Variants in ZNF77 observed in about 807,000 individuals in gnomAD.
The protein encoded by ZNF77 is ZNFpT1.
A neutral mutation model predicts 13.5 loss-of-function variants in ZNF77; 15 were observed. The ratio of observed to expected loss-of-function variants is 1.11; its 90% CI spans 0.74 to 1.71. The LOEUF (loss-of-function observed/expected upper bound fraction) is 1.71, where lower values mean the gene tolerates loss of function less well. Ranked by LOEUF, ZNF77 falls within the 40% of genes most tolerant of loss-of-function variation. ZNF77 has a pLI of 0.00. For missense variants in ZNF77, 717 were observed against 676.4 expected (o/e 1.06, Z -0.67); for synonymous variants, 282 against 250.0 (o/e 1.13, Z -1.21).
At chr19:2,938,749 G>T (rs2088419838) in intron 2 of ZNF77, among the ~76,000 whole-genome samples, 1 of 152,194 alleles carries the variant, frequency 6.6e-6, no homozygotes, top group South Asian at 2.1e-4. Context: ...GAGGTCAGGA[G>T]ATCGAGACCA....
intron 1 of ZNF77, among the ~76,000 whole-genome samples, chr19:2,940,278 C>T (rs912135081): frequency 6.6e-6 from 1 of 151,772 alleles, no homozygotes; most frequent in African/African-American, 2.4e-5. Flanking sequence ...AGTTCCAACA[C>T]TTTGGGAGGC....
chr19:2,934,891 A>G, intron 3 of ZNF77, 76 bp from the exon 4 acceptor site: 15 of 1,501,068 alleles, frequency 1.0e-5, no homozygotes, highest in Non-Finnish European at 1.3e-5. Context: ...TTTAGTGATT[A>G]TTTTGATTAC....
At chr19:2,934,934 T>C (rs941799199) in intron 3 of ZNF77, 119 bp from the exon 4 acceptor site, 16 of 1,305,046 alleles carry the variant, frequency 1.2e-5, no homozygotes, top group Non-Finnish European at 1.7e-5. Flanking sequence ...TGGTTCTATT[T>C]TCAGCACTGT....
In ZNF77 at chr19:2,939,959, C is replaced by A. The variant is rs73527693; in HGVS notation, c.4-552G>T. ...TGTGCCACTGCACTCCTGTCTGGGC[C>A]ACAGAGTGAGACCCAATCTCAAAAA... On this transcript the variant is annotated intron_variant, in intron 1 of 3. Transcript: ENST00000314531. Among the ~76,000 whole-genome samples the A allele has an allele frequency of 4.6e-3, 707 of 152,142 alleles. 4 individuals carry two copies. The highest frequency in any genetic ancestry group is 0.016 in the African/African-American group (672 of 41,522).
chr19:2,937,291 C>G (rs2088406353), intron 2 of ZNF77, among the ~76,000 whole-genome samples: 2 of 152,122 alleles, frequency 1.3e-5, no homozygotes, highest in Non-Finnish European at 2.9e-5. Flanking sequence ...CGAAACCAGC[C>G]TGACCAACAT....
chr19:2,936,768 T>A, intron 2 of ZNF77, 64 bp from the exon 3 acceptor site: 1 of 1,464,016 alleles, frequency 6.8e-7, no homozygotes, highest in Non-Finnish European at 9.2e-7. Context: ...ATAGACCACA[T>A]ACGGATTTCT....
chr19:2,934,994 A>G (rs1211554096), intron 3 of ZNF77, among the ~76,000 whole-genome samples, 179 bp from the exon 4 acceptor site: 3 of 152,170 alleles, frequency 2.0e-5, no homozygotes, highest in African/African-American at 7.2e-5. Context: ...TGAAGGCTCA[A>G]CTGCAGCCAT....
chr19:2,944,383 C>G (rs2088478087), intron 1 of ZNF77, among the ~76,000 whole-genome samples: 1 of 148,552 alleles, frequency 6.7e-6, no homozygotes, highest in Admixed American at 6.8e-5. Flanking sequence ...GCCTCTACGG[C>G]CCCCTCAAAC....
intron 1 of ZNF77, among the ~76,000 whole-genome samples, chr19:2,940,501 C>T (rs1382348770): frequency 3.9e-5 from 6 of 151,900 alleles, no homozygotes; most frequent in African/African-American, 1.4e-4. Context: ...GGTGAAACCC[C>T]ATCTCTACTA....
At chr19:2,942,080 T>C (rs1414501251) in intron 1 of ZNF77, among the ~76,000 whole-genome samples, 1 of 151,830 alleles carries the variant, frequency 6.6e-6, no homozygotes, top group Non-Finnish European at 1.5e-5. Context: ...TTATTCTTTT[T>C]TTTTTTTTTG....
intron 1 of ZNF77, among the ~76,000 whole-genome samples, chr19:2,942,075 CTTTTTTT>C (rs36016142): frequency 6.9e-6 from 1 of 144,062 alleles, no homozygotes; most frequent in Admixed American, 7.0e-5. Flanking sequence ...AGCATTTATT[CTTTTTTT>C]TTTTTTTGAG....
chr19:2,933,660 G>A lies in ZNF77; in HGVS notation c.1467C>T (p.Val489=). The A allele has an allele frequency of 6.2e-7, 1 of 1,612,514 alleles. No individual in the cohort carries two copies. The highest frequency in any genetic ancestry group is 1.7e-4 in the Middle Eastern group (1 of 6,056). The change falls in exon 4 of 4, where the codon GTC becomes GTT. Residue 489 remains valine (V), a synonymous_variant. Transcript: ENST00000314531. ...FQKHVRSHSG[V]KPYECTECGK... ...CACATTCAGTACATTCGTAGGGTTTGACCCCACTGTGTGATCTCACATGCT... is the reference window on the plus strand; with the variant it reads ...CACATTCAGTACATTCGTAGGGTTTAACCCCACTGTGTGATCTCACATGCT...
In ZNF77 at chr19:2,934,716, G is replaced by A. The variant is rs150491542; in HGVS notation, c.411C>T (p.Thr137=). 5.1e-5 allele frequency: 82 copies of A among 1,614,102 alleles called. 2 individuals carry two copies. The South Asian group carries it at 5.4e-4, about 11-fold the overall frequency. Reference sequence around the variant, plus strand: ...TAGTGCACTCAGAGGGTTTAGCTTCGGTAGGGTAACTCTTGTGCACAAGAA... The same window carrying A: ...TAGTGCACTCAGAGGGTTTAGCTTCAGTAGGGTAACTCTTGTGCACAAGAA... ...ANLLVHKSYP[T]EAKPSECTKC... The change falls in exon 4 of 4, where the codon ACC becomes ACT. Residue 137 remains threonine (T), a synonymous_variant. Transcript: ENST00000314531.
At chr19:2,940,611 T>C (rs1050076055) in intron 1 of ZNF77, among the ~76,000 whole-genome samples, 1 of 149,438 alleles carries the variant, frequency 6.7e-6, no homozygotes, top group Admixed American at 6.7e-5. Context: ...AGGCAGAGGT[T>C]GCAGTGAGCC....
chr19:2,936,568 A>G lies in ZNF77; in HGVS notation c.267T>C (p.Phe89=), dbSNP rs775221266. 3 of 1,611,390 alleles carry G rather than the reference A, an allele frequency of 1.9e-6. No individual in the cohort carries two copies. In the South Asian group the frequency reaches 3.3e-5, roughly 18 times the overall value. Residue 89 remains phenylalanine, a synonymous_variant, in exon 3 of 4, where the codon TTT becomes TTC. Transcript: ENST00000314531. ...TTTGGTGCTGATCTCCAGTGTTATCAAATCTCCAATTTTCTCCAAAAATAG... is the reference window on the plus strand; with the variant it reads ...TTTGGTGCTGATCTCCAGTGTTATCGAATCTCCAATTTTCTCCAAAAATAG... ...SWSIFGENWR[F]DNTGDQHQIP...
At chr19:2,941,428 G>C (rs1008670984) in intron 1 of ZNF77, among the ~76,000 whole-genome samples, 1 of 151,862 alleles carries the variant, frequency 6.6e-6, no homozygotes, top group African/African-American at 2.4e-5. Context: ...AGTGAGCTGA[G>C]ATCAAGCCAC....
chr19:2,934,639 G>A lies in ZNF77; in HGVS notation c.488C>T (p.Pro163Leu), dbSNP rs774554803. ...NRQRSHTGQR[P>L]CKECGQACSC... ...GCAGGCTTGCCCACATTCCTTACAC[G>A]GTCTCTGTCCAGTGTGAGATCTCTG... Residue 163 changes from proline (P) to leucine (L), a missense_variant, in exon 4 of 4, where the codon CCG (proline) becomes CTG (leucine). Physicochemically the swap from Pro to Leu is moderately conservative, Grantham distance 98 (BLOSUM62 -3). Transcript: ENST00000314531. 1.6e-5 allele frequency: 26 copies of A among 1,614,000 alleles called. No individual in the cohort carries two copies. The highest frequency in any genetic ancestry group is 9.3e-5 in the African/African-American group (7 of 74,906).
chr19:2,936,418 G>C (rs1438884420), intron 3 of ZNF77, 106 bp downstream of exon 3: 1 of 1,282,996 alleles, frequency 7.8e-7, no homozygotes, highest in Non-Finnish European at 1.0e-6. Context: ...CAAAGTGCTG[G>C]GATTACAGGC....
At chr19:2,938,781 C>A (rs992583968) in intron 2 of ZNF77, among the ~76,000 whole-genome samples, 71 of 152,080 alleles carry the variant, frequency 4.7e-4, no homozygotes, top group African/African-American at 1.5e-3. Context: ...ACGGTGAAAC[C>A]CCATCTCTAC....
Sources: allele counts gnomAD v4.1 joint callset (sites outside exome capture counted in the v4.1 genomes callset), GRCh38; gene constraint gnomAD v4.1.1; transcripts MANE v1.5; gene names NCBI Gene and HGNC (gene_info 2026-07-23, HGNC 2026-07-21).